LRP2BP: variants seen among roughly 807,000 people sequenced by gnomAD.
LRP2BP encodes the protein LRP2 binding protein.
Under a neutral mutation model 45.2 loss-of-function variants are expected in LRP2BP, and 38 were observed. The observed-to-expected ratio is 0.84, with a 90% CI of 0.65 to 1.10. The LOEUF (loss-of-function observed/expected upper bound fraction) is 1.10, where lower values mean the gene tolerates loss of function less well. Ranked by LOEUF, LRP2BP falls within the 50% of genes least tolerant of loss-of-function variation. LRP2BP has a pLI of 0.00. For synonymous variants in LRP2BP, 153 were observed against 153.9 expected, an observed-to-expected ratio of 0.99 and a Z score of 0.04; for missense variants, 385 against 418.9, an observed-to-expected ratio of 0.92 and a Z score of 0.71.
At chr4:185,383,595 G>A (rs11944575) in intron 1 of LRP2BP, among the ~76,000 whole-genome samples, 109,257 of 152,212 alleles carry the variant, frequency 0.72, 41,085 homozygotes, top group Non-Finnish European at 0.83. Context: ...TCTTTACAAG[G>A]GCATACTGGC....
chr4:185,392,537 T>C (rs1434861554), intron 1 of LRP2BP, among the ~76,000 whole-genome samples: 1 of 152,046 alleles, frequency 6.6e-6, no homozygotes, highest in African/African-American at 2.4e-5. Flanking sequence ...TTCTTGACAG[T>C]GGCATTGCAA....
intron 1 of LRP2BP, among the ~76,000 whole-genome samples, chr4:185,387,730 C>T (rs935405260): frequency 6.6e-6 from 1 of 152,206 alleles, no homozygotes. Context: ...CCTACAGCAG[C>T]TCCATATTCC....
chr4:185,376,534 T>C (rs1252067516), intron 3 of LRP2BP, among the ~76,000 whole-genome samples: 1 of 150,950 alleles, frequency 6.6e-6, no homozygotes, highest in Non-Finnish European at 1.5e-5. Flanking sequence ...CCTCAGGTGA[T>C]CCACCTGCCT....
intron 1 of LRP2BP, among the ~76,000 whole-genome samples, chr4:185,392,424 C>G (rs1331541009): frequency 6.6e-6 from 1 of 152,110 alleles, no homozygotes; most frequent in Non-Finnish European, 1.5e-5. Flanking sequence ...TTATCATCTT[C>G]CCCAAGAAGT....
At chr4:185,382,913 G>A (rs2095459650) in intron 1 of LRP2BP, among the ~76,000 whole-genome samples, 1 of 152,114 alleles carries the variant, frequency 6.6e-6, no homozygotes, top group Non-Finnish European at 1.5e-5. Flanking sequence ...GGTCACAAAA[G>A]TTTACCCCTG....
At chr4:185,389,114 G>C (rs2095480935) in intron 1 of LRP2BP, among the ~76,000 whole-genome samples, 1 of 152,056 alleles carries the variant, frequency 6.6e-6, no homozygotes, top group South Asian at 2.1e-4. Flanking sequence ...TCCTGACCTT[G>C]TGATCCACCC....
chr4:185,369,087 C>T (rs1174433788), intron 8 of LRP2BP, among the ~76,000 whole-genome samples: 2 of 151,928 alleles, frequency 1.3e-5, no homozygotes, highest in African/African-American at 2.4e-5. Flanking sequence ...AGCCACGGTA[C>T]CTGGACTTTT....
intron 1 of LRP2BP, among the ~76,000 whole-genome samples, chr4:185,391,657 C>T (rs1226681594): frequency 6.6e-6 from 1 of 152,156 alleles, no homozygotes; most frequent in Non-Finnish European, 1.5e-5. Flanking sequence ...CATGTCCTAT[C>T]CTTCCACTTA....
At chr4:185,387,373 C>A (rs969787614) in intron 1 of LRP2BP, among the ~76,000 whole-genome samples, 3 of 152,190 alleles carry the variant, frequency 2.0e-5, no homozygotes, top group Non-Finnish European at 4.4e-5. Flanking sequence ...GTACAAATAA[C>A]ATATAACACA....
Position 185,374,199 on chromosome 4 carries a change from C to A in LRP2BP, c.515G>T (p.Ser172Ile). The change falls in exon 6 of 9, where the codon AGT (serine) becomes ATT (isoleucine). Residue 172 changes from serine to isoleucine, a missense_variant. Physicochemically the swap from Ser to Ile is moderately radical, Grantham distance 142. Transcript: ENST00000505916. ...CCCGAGCATACTTTGAGCCTTCACA[C>A]TAGCTTTGGGATTTCCATTGTCTGC... ...IAADNGNPKA[S>I]VKAQSMLGLY... 3 of 1,614,210 alleles carry A rather than the reference C, an allele frequency of 1.9e-6. No individual in the cohort carries two copies. The highest frequency in any genetic ancestry group is 2.5e-6 in the Non-Finnish European group (3 of 1,180,040).
rs1295089489 is a variant in LRP2BP, at chr4:185,367,225, T to C, written c.999A>G (p.Ala333=). 6.2e-6 allele frequency: 10 copies of C among 1,612,488 alleles called. No individual in the cohort carries two copies. Among genetic ancestry groups the C allele is most frequent in the East Asian group, 2.2e-5 (1 of 44,838 alleles). ...GTAAGGAGTGAAGTTCATCTGCCAA[T>C]GCGGGATTCAGACGACAAGCCTTAA... ...YYSKACRLNP[A]LADELHSLLI... Residue 333 remains alanine (A), a synonymous_variant, in exon 9 of 9, where the codon GCA becomes GCG. Transcript: ENST00000505916.
chr4:185,372,434 G>A lies in LRP2BP; in HGVS notation c.803+422C>T, dbSNP rs566366674. Among the ~76,000 whole-genome samples the A allele has an allele frequency of 2.0e-5, 3 of 152,346 alleles. No homozygotes were observed. The East Asian group carries it at 5.8e-4, about 29-fold the overall frequency. The stretch of plus-strand genomic sequence containing the variant: ...CTAAGTTGCATTAGACACATTTCAA[G>A]TGCTCAATAGCTATCATTTCTAATA... On this transcript the variant is annotated intron_variant, in intron 7 of 8. Coordinates refer to ENST00000505916, the MANE Select transcript of LRP2BP (RefSeq NM_001377440.1).
intron 7 of LRP2BP, among the ~76,000 whole-genome samples, chr4:185,371,346 T>C (rs370148954): frequency 2.8e-4 from 42 of 152,136 alleles, no homozygotes; most frequent in Middle Eastern, 6.8e-3. Flanking sequence ...GAGACCATCC[T>C]GGCTAACATG....
At chr4:185,368,102 T>C (rs961744971) in intron 8 of LRP2BP, among the ~76,000 whole-genome samples, 22 of 152,038 alleles carry the variant, frequency 1.4e-4, no homozygotes, top group Admixed American at 1.0e-3. Context: ...GGCGTGAACC[T>C]GGGAGGCGGA....
At chr4:185,391,940 T>C (rs1293056373) in intron 1 of LRP2BP, among the ~76,000 whole-genome samples, 1 of 152,252 alleles carries the variant, frequency 6.6e-6, no homozygotes, top group East Asian at 1.9e-4. Flanking sequence ...TTTCTGCTTC[T>C]ATCCATCTGA....
At position 185,365,571 on chromosome 4, in the gene LRP2BP, G is replaced by C. The variant is rs2095384254; in HGVS notation, c.*1609C>G. On this transcript the variant is annotated 3_prime_UTR_variant, in exon 9 of 9. Transcript: ENST00000505916. ...GGGTTTCACCACGTTGGCCAGCCTG[G>C]TCTCAAACTCCTGACCTCATGATCT... 6.6e-6 allele frequency: 1 copy of C among 151,256 alleles called. No homozygotes were observed. Among genetic ancestry groups the C allele is most frequent in the South Asian group, 2.1e-4 (1 of 4,802 alleles). The allele number at this position is 151,256 out of a possible 1,614,324, so 9.4% of individuals were successfully genotyped here.
chr4:185,377,374 A>C (rs989286828), intron 2 of LRP2BP: 7 of 198,988 alleles, frequency 3.5e-5, no homozygotes, highest in African/African-American at 1.6e-4. Flanking sequence ...CAAAATTAGC[A>C]GGGCGTGGTG....
chr4:185,365,974 T>C lies in LRP2BP; in HGVS notation c.*1206A>G, dbSNP rs1353054473. On this transcript the variant is annotated 3_prime_UTR_variant, in exon 9 of 9. Transcript: ENST00000505916. ...CTGCCATTCAACAGTTCTTAGTGAC[T>C]ATCACCTCCATATTAATTGCATTTT... The C allele has an allele frequency of 1.3e-5, 2 of 152,222 alleles. No homozygotes were observed. The highest frequency in any genetic ancestry group is 2.9e-5 in the Non-Finnish European group (2 of 68,044). 9.4% of individuals were successfully genotyped at this position (152,222 alleles called of 1,614,324 possible).
upstream of LRP2BP, chr4:185,396,666 C>G (rs897802116): frequency 7.8e-6 from 4 of 513,196 alleles, no homozygotes; most frequent in African/African-American, 4.1e-5. Context: ...CCCCTGCCCC[C>G]GGCGCCGGGC....
Sources: gnomAD v4.1 joint callset for allele counts (sites outside exome capture counted in the v4.1 genomes callset) on GRCh38, gnomAD v4.1.1 for gene constraint, MANE v1.5 for transcripts, NCBI Gene and HGNC (gene_info 2026-07-23, HGNC 2026-07-21) for gene names.